SIGLEC5: variants seen among roughly 807,000 people sequenced by gnomAD.
The protein encoded by SIGLEC5 is sialic acid-binding Ig-like lectin 5.
SIGLEC5 carries 34 observed loss-of-function variants against 45.9 expected under a neutral mutation model. The ratio of observed to expected loss-of-function variants is 0.74; its 90% CI spans 0.56 to 0.99. SIGLEC5 has a LOEUF of 0.99. SIGLEC5 is among the 50% of genes least tolerant of loss of function. The pLI is 0.00. For missense variants in SIGLEC5, 508 were observed against 629.6 expected, an observed-to-expected ratio of 0.81 and a Z score of 2.07; for synonymous variants, 203 against 258.6, an observed-to-expected ratio of 0.79 and a Z score of 2.06.
intron 8 of SIGLEC5, among the ~76,000 whole-genome samples, chr19:51,616,771 C>T (rs941354700): frequency 2.0e-5 from 3 of 151,692 alleles, no homozygotes; most frequent in Admixed American, 1.3e-4. Flanking sequence ...ATTAGCCAGG[C>T]GTGATGATGT....
At chr19:51,613,982 C>T (rs1982955031) in intron 8 of SIGLEC5, among the ~76,000 whole-genome samples, 1 of 152,126 alleles carries the variant, frequency 6.6e-6, no homozygotes, top group African/African-American at 2.4e-5. Flanking sequence ...ATCCTGGACC[C>T]AGTTTCCATG....
chr19:51,618,102 A>G (rs1983134098), intron 8 of SIGLEC5, among the ~76,000 whole-genome samples: 1 of 151,524 alleles, frequency 6.6e-6, no homozygotes, highest in Non-Finnish European at 1.5e-5. Context: ...CCGGCAAGAT[A>G]TTAAGCTTCT....
At chr19:51,624,571 A>G (rs893445601) in intron 8 of SIGLEC5, among the ~76,000 whole-genome samples, 4 of 152,148 alleles carry the variant, frequency 2.6e-5, no homozygotes, top group African/African-American at 9.7e-5. Context: ...TCGGGGCAAC[A>G]CTAGATCAAT....
rs779425259 is a variant in SIGLEC5 at position 51,612,238 on chromosome 19, C to G, written c.1649G>C (p.Ser550Thr). ...TGAACTCTGGGCAAATCCTCACTTG[C>G]TTGTCTTGATCTCCGAGTACTCCGT... ...STTEYSEIKT[S>T]K is the part of the protein sequence containing the mutation. The change falls in exon 9 of 9, where the codon AGC (serine) becomes ACC (threonine). Residue 550 changes from serine (S) to threonine (T), a missense_variant. Around this residue, in one of 2 missense-constraint regions of SIGLEC5, gnomAD observed 431 missense variants for 428.8 expected, o/e 1.01. Transcript: ENST00000683636. 1 of 1,596,790 alleles carries G rather than the reference C, an allele frequency of 6.3e-7. No individual in the cohort carries two copies. The highest frequency in any genetic ancestry group is 8.6e-7 in the Non-Finnish European group (1 of 1,169,142).
intron 8 of SIGLEC5, among the ~76,000 whole-genome samples, chr19:51,622,926 T>C (rs1983344238): frequency 6.6e-6 from 1 of 152,248 alleles, no homozygotes; most frequent in Non-Finnish European, 1.5e-5. Context: ...GTTCCATCCA[T>C]GTTGTTGCAA....
At chr19:51,616,917 A>AC (rs1204597366) in intron 8 of SIGLEC5, among the ~76,000 whole-genome samples, 1 of 136,866 alleles carries the variant, frequency 7.3e-6, no homozygotes, top group African/African-American at 2.7e-5. Flanking sequence ...AAAAAAAAAA[A>AC]ACAAAAAAAA....
chr19:51,617,974 T>A (rs2122619708), intron 8 of SIGLEC5, among the ~76,000 whole-genome samples: 1 of 151,114 alleles, frequency 6.6e-6, no homozygotes, highest in East Asian at 1.9e-4. Context: ...GATATTAATT[T>A]TTTTTTGAGG....
At chr19:51,623,090 AT>A (rs1298735054) in intron 8 of SIGLEC5, among the ~76,000 whole-genome samples, 2 of 152,220 alleles carry the variant, frequency 1.3e-5, no homozygotes, top group African/African-American at 4.8e-5. Context: ...TGGGTACCCA[AT>A]TCTTCATGAA....
At chr19:51,624,702 C>T (rs1377792894) in intron 8 of SIGLEC5, among the ~76,000 whole-genome samples, 1 of 152,108 alleles carries the variant, frequency 6.6e-6, no homozygotes, top group African/African-American at 2.4e-5. Context: ...CACGCGGTGG[C>T]TCACACCTGT....
chr19:51,613,397 G>A (rs546843966), intron 8 of SIGLEC5, among the ~76,000 whole-genome samples: 2 of 152,216 alleles, frequency 1.3e-5, no homozygotes, highest in Admixed American at 6.5e-5. Context: ...CAGGGAAGTT[G>A]GGCTGATGTG....
chr19:51,612,198 T>G lies in SIGLEC5; in HGVS notation c.*33A>C. The G allele has an allele frequency of 6.5e-7, 1 of 1,527,060 alleles. No homozygotes were observed. The highest frequency in any genetic ancestry group is 2.0e-5 in the Admixed American group (1 of 49,146). The allele number at this position is 1,527,060 out of a possible 1,614,324, so 94.6% of individuals were successfully genotyped here. ...TCCTTTCCCCCAGACAGGCTGTGGCTCCTCCAGCCAGGACTGAACTCTGGG... is the reference window on the plus strand; with the variant it reads ...TCCTTTCCCCCAGACAGGCTGTGGCGCCTCCAGCCAGGACTGAACTCTGGG... On this transcript the variant is annotated 3_prime_UTR_variant, in exon 9 of 9. Transcript: ENST00000683636.
rs1020927548 is a variant in SIGLEC5 at position 51,628,898 on chromosome 19, A to G, written c.739+140T>C. 9.8e-6 allele frequency: 8 copies of G among 819,390 alleles called. No individual in the cohort carries two copies. In the African/African-American group the frequency reaches 1.0e-4, roughly 11 times the overall value. The allele number at this position is 819,390 out of a possible 1,614,324, so 50.8% of individuals were successfully genotyped here. Reference sequence around the variant, plus strand: ...GCATATGTGCCTGCACATGGGGCTCACAGAAGGTGGAAGCCAGAAGGCAGT... The same window carrying G: ...GCATATGTGCCTGCACATGGGGCTCGCAGAAGGTGGAAGCCAGAAGGCAGT... On this transcript the variant is annotated intron_variant, in intron 4 of 8. Coordinates refer to ENST00000683636, the MANE Select transcript of SIGLEC5 (RefSeq NM_003830.4).
chr19:51,619,290 C>A (rs1983192290), intron 8 of SIGLEC5, among the ~76,000 whole-genome samples: 1 of 152,088 alleles, frequency 6.6e-6, no homozygotes, highest in African/African-American at 2.4e-5. Context: ...CCATATTGGC[C>A]AGGCTGGTCT....
In SIGLEC5 at chr19:51,611,051, T is replaced by C. The variant is rs1404627997; in HGVS notation, c.*1180A>G. The stretch of plus-strand genomic sequence containing the variant: ...ACCAAAACAGTAGTCACAATTCACC[T>C]TCTTTACAGTGATGAAAATGAAGTT... On this transcript the variant is annotated 3_prime_UTR_variant, in exon 9 of 9. Coordinates refer to ENST00000683636, the MANE Select transcript of SIGLEC5 (RefSeq NM_003830.4). Among the ~76,000 whole-genome samples, 1 of 152,248 alleles carries C rather than the reference T, an allele frequency of 6.6e-6. No individual in the cohort carries two copies. Among genetic ancestry groups the C allele is most frequent in the Non-Finnish European group, 1.5e-5 (1 of 68,038 alleles).
chr19:51,628,336 A>G (rs549508451), intron 4 of SIGLEC5, among the ~76,000 whole-genome samples: 1 of 152,134 alleles, frequency 6.6e-6, no homozygotes, highest in Non-Finnish European at 1.5e-5. Context: ...TGTGGTGGAG[A>G]GAGGACAGAG....
rs138574388 is a variant in SIGLEC5 at position 51,624,695 on chromosome 19, G to A, written c.1464+1337C>T. On this transcript the variant is annotated intron_variant, in intron 8 of 8. Transcript: ENST00000683636. Reference sequence around the variant, plus strand: ...AGAATTCCACAGATATTGGCCGCACGCGGTGGCTCACACCTGTAATCCCAG... The same window carrying A: ...AGAATTCCACAGATATTGGCCGCACACGGTGGCTCACACCTGTAATCCCAG... Among the ~76,000 whole-genome samples the A allele has an allele frequency of 9.9e-5, 15 of 152,188 alleles. No individual in the cohort carries two copies. The East Asian group carries it at 2.7e-3, about 28-fold the overall frequency.
At chr19:51,622,816 A>C (rs1983340611) in intron 8 of SIGLEC5, among the ~76,000 whole-genome samples, 1 of 152,204 alleles carries the variant, frequency 6.6e-6, no homozygotes, top group Non-Finnish European at 1.5e-5. Context: ...TATGTCCATC[A>C]GTTCAATTTT....
rs749537528 is a variant in SIGLEC5 at position 51,629,404 on chromosome 19, T to C, written c.654A>G (p.Gln218=). The C allele has an allele frequency of 1.9e-6, 3 of 1,613,778 alleles. No homozygotes were observed. The highest frequency in any genetic ancestry group is 2.5e-6 in the Non-Finnish European group (3 of 1,180,002). The change falls in exon 3 of 9, where the codon CAA becomes CAG. Residue 218 remains glutamine (Q), a synonymous_variant. Coordinates refer to ENST00000683636, the MANE Select transcript of SIGLEC5 (RefSeq NM_003830.4). ...GTNLTCQMKR[Q]GAQVTTERTV... ...TTCTCTCCGTGGTCACCTGAGCTCCTTGGCGTTTCATCTGACAGGTGAGGT... is the reference window on the plus strand; with the variant it reads ...TTCTCTCCGTGGTCACCTGAGCTCCCTGGCGTTTCATCTGACAGGTGAGGT...
At chr19:51,622,675 C>G (rs1447961386) in intron 8 of SIGLEC5, among the ~76,000 whole-genome samples, 7 of 152,148 alleles carry the variant, frequency 4.6e-5, no homozygotes, top group Non-Finnish European at 8.8e-5. Context: ...TGGCATGTTG[C>G]TCAATGGAGA....
Sources: allele counts gnomAD v4.1 joint callset (sites outside exome capture counted in the v4.1 genomes callset), GRCh38; gene constraint gnomAD v4.1.1; regional missense constraint gnomAD v4.1.1; transcripts MANE v1.5; gene names NCBI Gene and HGNC (gene_info 2026-07-23, HGNC 2026-07-21).